MBD5: variants seen among roughly 807,000 people sequenced by gnomAD.
The protein encoded by MBD5 is methyl-CpG-binding domain protein 5.
Under a neutral mutation model 117.3 loss-of-function variants are expected in MBD5, and 13 were observed. The observed-to-expected ratio is 0.11, with a 90% CI of 0.07 to 0.18. The LOEUF (loss-of-function observed/expected upper bound fraction) is 0.18. Among genes scored for constraint, MBD5 ranks in the 10% least tolerant of loss-of-function variants. The probability of loss-of-function intolerance (pLI) is 1.00; values close to 1 mark genes in which losing one functional copy is unlikely to be tolerated. For missense variants in MBD5, 1,879 were observed against 2,093.8 expected (o/e 0.90, Z 2.00); for synonymous variants, 727 against 766.4 (o/e 0.95, Z 0.85).
At chr2:148,154,174 G>A (rs1398749589) in intron 1 of MBD5, among the ~76,000 whole-genome samples, 2 of 148,036 alleles carry the variant, frequency 1.4e-5, no homozygotes, top group East Asian at 2.0e-4. Flanking sequence ...ACCCTCAGCT[G>A]CAGGTCTGTT....
chr2:148,147,818 C>A (rs1182494060), intron 1 of MBD5, among the ~76,000 whole-genome samples: 1 of 152,126 alleles, frequency 6.6e-6, no homozygotes, highest in Non-Finnish European at 1.5e-5. Context: ...AATGCTCCAG[C>A]AGACTGTTTA....
chr2:148,154,564 C>T (rs1156457362), intron 1 of MBD5, among the ~76,000 whole-genome samples: 47 of 152,222 alleles, frequency 3.1e-4, no homozygotes, highest in Non-Finnish European at 4.4e-5. Flanking sequence ...TCTCAGGCTG[C>T]TGTGCTATCA....
At chr2:148,426,401 A>G (rs1705787605) in intron 4 of MBD5, among the ~76,000 whole-genome samples, 1 of 152,030 alleles carries the variant, frequency 6.6e-6, no homozygotes, top group Non-Finnish European at 1.5e-5. Context: ...ACTTCAAACT[A>G]TACTACAAGG....
intron 3 of MBD5, among the ~76,000 whole-genome samples, chr2:148,270,675 C>T (rs1177173600): frequency 2.6e-5 from 4 of 152,182 alleles, no homozygotes; most frequent in African/African-American, 9.6e-5. Context: ...AGGTGTCAGC[C>T]GCCATGTTTG....
chr2:148,282,843 A>G (rs1414702612), intron 3 of MBD5, among the ~76,000 whole-genome samples: 1 of 151,786 alleles, frequency 6.6e-6, no homozygotes, highest in Admixed American at 6.6e-5. Flanking sequence ...GATCCTCAAA[A>G]GTAATTTTGA....
At position 148,514,329 on chromosome 2, in the gene MBD5, T is replaced by G. The variant is rs1344791930; in HGVS notation, c.*1388T>G. The stretch of plus-strand genomic sequence containing the variant: ...CCATTGTAAAGTACAAGGTAATTAA[T>G]AAGAAATGTAGCACAACATAATTTT... On this transcript the variant is annotated 3_prime_UTR_variant, in exon 14 of 14. Coordinates refer to ENST00000642680, the MANE Select transcript of MBD5 (RefSeq NM_001378120.1). 1 of 152,188 alleles carries G rather than the reference T, an allele frequency of 6.6e-6. No homozygotes were observed. The highest frequency in any genetic ancestry group is 1.5e-5 in the Non-Finnish European group (1 of 68,046). 9.4% of individuals were successfully genotyped at this position (152,188 alleles called of 1,614,324 possible).
chr2:148,368,949 A>G (rs992962564), intron 4 of MBD5, among the ~76,000 whole-genome samples: 13 of 152,168 alleles, frequency 8.5e-5, no homozygotes, highest in Non-Finnish European at 1.8e-4. Flanking sequence ...ACCAATGGAT[A>G]TCACATTAAC....
chr2:148,154,575 A>G (rs529975127), intron 1 of MBD5, among the ~76,000 whole-genome samples: 6 of 152,284 alleles, frequency 3.9e-5, no homozygotes, highest in Non-Finnish European at 7.3e-5. Flanking sequence ...TGTGCTATCA[A>G]TCAGCGAGAC....
intron 4 of MBD5, among the ~76,000 whole-genome samples, chr2:148,427,755 G>A (rs909917223): frequency 4.0e-5 from 6 of 151,680 alleles, no homozygotes; most frequent in Admixed American, 6.6e-5. Context: ...AAACCTGCAC[G>A]TTGTGCAGAT....
At chr2:148,381,048 A>C (rs1194821085) in intron 4 of MBD5, among the ~76,000 whole-genome samples, 1 of 152,118 alleles carries the variant, frequency 6.6e-6, no homozygotes, top group Non-Finnish European at 1.5e-5. Context: ...CCAGAAACTC[A>C]AAATCAGAGT....
intron 4 of MBD5, among the ~76,000 whole-genome samples, chr2:148,354,721 C>T (rs111347554): frequency 6.6e-6 from 1 of 152,164 alleles, no homozygotes; most frequent in Non-Finnish European, 1.5e-5. Context: ...AACTAATTTA[C>T]ACTCCCACCA....
chr2:148,099,515 C>T (rs970330417), intron 1 of MBD5, among the ~76,000 whole-genome samples: 7 of 152,062 alleles, frequency 4.6e-5, no homozygotes, highest in East Asian at 1.9e-4. Context: ...TGGAAAAGTT[C>T]GGCAATTTTG....
At position 148,490,522 on chromosome 2, in the gene MBD5, T is replaced by C. The variant is rs1268822032; in HGVS notation, c.4890T>C (p.Thr1630=). 6.2e-7 allele frequency: 1 copy of C among 1,614,064 alleles called. No homozygotes were observed. Among genetic ancestry groups the C allele is most frequent in the African/African-American group, 1.3e-5 (1 of 74,924 alleles). The stretch of plus-strand genomic sequence containing the variant: ...TCTGGGGCCAAATCAAAGGACTGAC[T>C]TCCTGGCCTGGAAAATTAGTAAGAG... ...DLVWGQIKGL[T]SWPGKLVRED... The change falls in exon 11 of 14, where the codon ACT becomes ACC. Residue 1630 remains threonine (T), a synonymous_variant. Coordinates refer to ENST00000642680, the MANE Select transcript of MBD5 (RefSeq NM_001378120.1).
At chr2:148,392,979 G>A (rs1027214944) in intron 4 of MBD5, among the ~76,000 whole-genome samples, 3 of 152,002 alleles carry the variant, frequency 2.0e-5, no homozygotes, top group African/African-American at 7.2e-5. Context: ...AAAACTCACT[G>A]CCCTTCAGCC....
At chr2:148,161,845 A>G (rs1698014777) in intron 1 of MBD5, among the ~76,000 whole-genome samples, 2 of 152,212 alleles carry the variant, frequency 1.3e-5, no homozygotes, top group African/African-American at 4.8e-5. Flanking sequence ...TTACTGTAAC[A>G]ATACTTAGCT....
chr2:148,026,179 A>G (rs1693886311), intron 1 of MBD5: 1 of 152,180 alleles, frequency 6.6e-6, no homozygotes, highest in African/African-American at 2.4e-5. Flanking sequence ...TAATAATCAT[A>G]GTTACCATTG....
chr2:148,388,233 A>G (rs1259690379), intron 4 of MBD5, among the ~76,000 whole-genome samples: 1 of 152,224 alleles, frequency 6.6e-6, no homozygotes, highest in African/African-American at 2.4e-5. Context: ...ATGCAATTGA[A>G]AAATATGTTC....
At chr2:148,144,960 A>G (rs1408412871) in intron 1 of MBD5, among the ~76,000 whole-genome samples, 2 of 152,176 alleles carry the variant, frequency 1.3e-5, no homozygotes, top group Admixed American at 6.6e-5. Context: ...TGAACTTTAA[A>G]GTAGTTTTTT....
chr2:148,455,690 C>T (rs907804449), intron 4 of MBD5, among the ~76,000 whole-genome samples: 2 of 151,572 alleles, frequency 1.3e-5, no homozygotes, highest in Non-Finnish European at 2.9e-5. Context: ...TCTGGCAGAT[C>T]CACAAATTAC....
Sources: gnomAD v4.1 joint callset for allele counts (sites outside exome capture counted in the v4.1 genomes callset) on GRCh38, gnomAD v4.1.1 for gene constraint, MANE v1.5 for transcripts, NCBI Gene and HGNC (gene_info 2026-07-23, HGNC 2026-07-21) for gene names.